The following SLC18A2 variants were observed in gnomAD, a reference collection of about 807,000 sequenced individuals.
SLC18A2 encodes the protein solute carrier family 18 member A2.
Under a neutral mutation model 59.2 loss-of-function variants are expected in SLC18A2, and 33 were observed. That is an observed-to-expected ratio of 0.56 (90% CI 0.42 to 0.75). The LOEUF (loss-of-function observed/expected upper bound fraction) is 0.75. Among genes scored for constraint, SLC18A2 ranks in the 30% least tolerant of loss-of-function variants. The probability of loss-of-function intolerance (pLI) is 0.00; values close to 1 mark genes in which losing one functional copy is unlikely to be tolerated. For synonymous variants in SLC18A2, 228 were observed against 253.5 expected (o/e 0.90, Z 0.95); for missense variants, 569 against 668.6 (o/e 0.85, Z 1.64).
chr10:117,258,827 C>T (rs549703818), intron 10 of SLC18A2, among the ~76,000 whole-genome samples: 8 of 149,326 alleles, frequency 5.4e-5, no homozygotes, highest in African/African-American at 2.0e-4. Flanking sequence ...AGTGCGGTGG[C>T]ACGATCTCCA....
chr10:117,253,402 T>C lies in SLC18A2; in HGVS notation c.468T>C (p.Ile156=). The change falls in exon 4 of 16, where the codon ATT becomes ATC. Residue 156 remains isoleucine (I), a synonymous_variant. Coordinates refer to ENST00000644641, the MANE Select transcript of SLC18A2 (RefSeq NM_003054.6). ...NPFIGLLTNR[I]GYPIPIFAGF... is the part of the protein sequence containing the mutation. ...GTCTGATGTTTGTGTTTTGCAGAAT[T>C]GGCTATCCAATTCCCATATTTGCGG... is the stretch of plus-strand genomic sequence containing the variant. The C allele has an allele frequency of 6.2e-7, 1 of 1,612,972 alleles. No individual in the cohort carries two copies. The highest frequency in any genetic ancestry group is 8.5e-7 in the Non-Finnish European group (1 of 1,178,946).
intron 2 of SLC18A2, among the ~76,000 whole-genome samples, chr10:117,242,229 C>G (rs1023875846): frequency 6.6e-6 from 1 of 152,172 alleles, no homozygotes; most frequent in Admixed American, 6.5e-5. Flanking sequence ...GAGCAAGTTT[C>G]GATCCCTTAC....
intron 12 of SLC18A2, chr10:117,267,338 G>C: frequency 2.2e-6 from 1 of 445,780 alleles, no homozygotes; most frequent in South Asian, 4.1e-5. Context: ...ACAATAGCAA[G>C]ATGTTTTTCT....
In SLC18A2 at chr10:117,269,129, A is replaced by C. The variant is rs1051644151; in HGVS notation, c.1187-942A>C. ...TACATACACGTAGATACACATACAC[A>C]TACAAACACCCACCCACATACATAT... On this transcript the variant is annotated intron_variant, in intron 13 of 15. Coordinates refer to ENST00000644641, the MANE Select transcript of SLC18A2 (RefSeq NM_003054.6). This position sits in a 1 kb window ranked among gnomAD's most constrained non-coding sequence, Gnocchi z 5.1. 6.7e-6 allele frequency among the ~76,000 whole-genome samples: 1 copy of C among 150,328 alleles called. No individual in the cohort carries two copies. Among genetic ancestry groups the C allele is most frequent in the Admixed American group, 6.7e-5 (1 of 15,018 alleles).
chr10:117,256,423 C>A (rs1007369297), intron 9 of SLC18A2, among the ~76,000 whole-genome samples: 1 of 152,122 alleles, frequency 6.6e-6, no homozygotes, highest in African/African-American at 2.4e-5. Flanking sequence ...TCTGGCTGCG[C>A]GCTGATGTGT....
intron 3 of SLC18A2, among the ~76,000 whole-genome samples, chr10:117,247,848 C>T (rs1267906612): frequency 2.0e-5 from 3 of 152,138 alleles, no homozygotes; most frequent in African/African-American, 7.2e-5. Context: ...TGAAGTGGGA[C>T]CCACTCTGAA....
chr10:117,244,568 G>C (rs363390), intron 3 of SLC18A2, among the ~76,000 whole-genome samples: 29,218 of 152,290 alleles, frequency 0.19, 3,756 homozygotes, highest in East Asian at 0.57. Flanking sequence ...CTTCCACCAA[G>C]TGGGAGGACT....
rs761387841 is a variant in SLC18A2 at position 117,255,642 on chromosome 10, A to G, written c.880A>G (p.Ile294Val). The G allele has an allele frequency of 1.2e-6, 2 of 1,613,604 alleles. No individual in the cohort carries two copies. The highest frequency in any genetic ancestry group is 1.1e-5 in the South Asian group (1 of 91,070). Residue 294 changes from isoleucine to valine, a missense_variant, in exon 9 of 16, where the codon ATC (isoleucine) becomes GTC (valine). Around this residue, in one of 2 missense-constraint regions of SLC18A2, gnomAD observed 377 missense variants for 389.8 expected, o/e 0.97. Coordinates refer to ENST00000644641, the MANE Select transcript of SLC18A2 (RefSeq NM_003054.6). ...AACCACGCTGCTGAAGGACCCGTAC[A>G]TCCTCATTGCTGCAGGTGGGGCTCT... ...PLTTLLKDPY[I>V]LIAAGSICFA...
intron 2 of SLC18A2, among the ~76,000 whole-genome samples, chr10:117,243,169 G>A (rs1844074078): frequency 6.6e-6 from 1 of 152,196 alleles, no homozygotes; most frequent in South Asian, 2.1e-4. Context: ...ATTACTTCCT[G>A]CAGGTTAATT....
In SLC18A2 at chr10:117,257,901, T is replaced by C. The variant is rs746539475; in HGVS notation, c.991+9T>C. 3 of 1,589,762 alleles carry C rather than the reference T, an allele frequency of 1.9e-6. 1 individual carries two copies. In the South Asian group the frequency reaches 3.4e-5, roughly 18 times the overall value. ...CCGAAAGTGGCAGCTGGGTAAGGAC[T>C]GGGGTGGGCTCTTCTGATTCAAGAG... is the stretch of plus-strand genomic sequence containing the variant. On this transcript the variant is annotated intron_variant, in intron 10 of 15. Coordinates refer to ENST00000644641, the MANE Select transcript of SLC18A2 (RefSeq NM_003054.6).
chr10:117,263,275 A>C (rs563847550), intron 10 of SLC18A2, among the ~76,000 whole-genome samples: 111 of 152,186 alleles, frequency 7.3e-4, no homozygotes, highest in African/African-American at 2.6e-3. Context: ...AGTGCGGAGG[A>C]CCCAGTGCTG....
intron 10 of SLC18A2, among the ~76,000 whole-genome samples, chr10:117,259,911 C>T (rs375091306): frequency 6.5e-4 from 99 of 152,238 alleles, no homozygotes; most frequent in African/African-American, 2.3e-3. Context: ...TTGAATGAAT[C>T]CCCCTATTTT....
intron 10 of SLC18A2, 37 bp from the exon 11 acceptor site, chr10:117,266,696 T>G: frequency 6.9e-7 from 1 of 1,439,942 alleles, no homozygotes; most frequent in Non-Finnish European, 9.8e-7. Context: ...ATGACTGATA[T>G]CAGCACTGAT....
intron 9 of SLC18A2, among the ~76,000 whole-genome samples, chr10:117,256,009 C>T (rs961405321): frequency 5.3e-5 from 8 of 152,080 alleles, no homozygotes; most frequent in Non-Finnish European, 1.0e-4. Flanking sequence ...TTGAACTTTC[C>T]GGAAGGAGTC....
chr10:117,241,990 C>A (rs1241071219), intron 2 of SLC18A2, 176 bp downstream of exon 2: 7 of 544,458 alleles, frequency 1.3e-5, no homozygotes, highest in Non-Finnish European at 1.9e-5. Flanking sequence ...GGAGGAGCCG[C>A]GTTGTGTGGC....
chr10:117,248,891 A>G (rs971845557), intron 3 of SLC18A2, among the ~76,000 whole-genome samples: 1 of 152,068 alleles, frequency 6.6e-6, no homozygotes, highest in Non-Finnish European at 1.5e-5. Flanking sequence ...TTAGCTTGTC[A>G]TTGTCTCAGT....
intron 15 of SLC18A2, among the ~76,000 whole-genome samples, chr10:117,271,811 G>T (rs970122380): frequency 4.6e-5 from 7 of 152,184 alleles, no homozygotes; most frequent in Admixed American, 1.3e-4. Flanking sequence ...TGCCGAAATG[G>T]AGTCAGAAAA....
rs114159397 is a variant in SLC18A2 at position 117,251,942 on chromosome 10, C to T, written c.465-1457C>T. 2.2e-4 allele frequency among the ~76,000 whole-genome samples: 33 copies of T among 151,676 alleles called. 1 individual carries two copies. The East Asian group carries it at 3.9e-3, about 18-fold the overall frequency. ...ACTGAGTGTAAACTTTAAATGAAGG[C>T]GCTATGATTATTTTTTATTTATTTA... On this transcript the variant is annotated intron_variant, in intron 3 of 15. Transcript: ENST00000644641.
At chr10:117,257,727 T>C (rs146700953) in intron 9 of SLC18A2, 70 bp from the exon 10 acceptor site, 2 of 931,486 alleles carry the variant, frequency 2.1e-6, no homozygotes, top group South Asian at 1.8e-5. Context: ...TGTAGGCGCA[T>C]GGAGTCTAAC....
Sources: allele counts gnomAD v4.1 joint callset (sites outside exome capture counted in the v4.1 genomes callset), GRCh38; gene constraint gnomAD v4.1.1; regional missense constraint gnomAD v4.1.1; non-coding constraint Gnocchi (gnomAD v3.1); transcripts MANE v1.5; gene names NCBI Gene and HGNC (gene_info 2026-07-23, HGNC 2026-07-21).